Variants in RABEP1 observed in about 807,000 individuals in gnomAD.
The protein encoded by RABEP1 is rab GTPase-binding effector protein 1.
Under a neutral mutation model 123.4 loss-of-function variants are expected in RABEP1, and 51 were observed. The observed-to-expected ratio is 0.41, with a 90% CI of 0.33 to 0.52. RABEP1 has a LOEUF of 0.52. Ranked by LOEUF, RABEP1 falls within the 20% of genes least tolerant of loss-of-function variation. The pLI is 0.16. For synonymous variants in RABEP1, 347 were observed against 355.2 expected, an observed-to-expected ratio of 0.98 and a Z score of 0.26; for missense variants, 888 against 996.3, an observed-to-expected ratio of 0.89 and a Z score of 1.46.
At chr17:5,282,695 C>T (rs1416139190) in intron 1 of RABEP1, among the ~76,000 whole-genome samples, 175 bp downstream of exon 1, 4 of 145,424 alleles carry the variant, frequency 2.8e-5, no homozygotes, top group African/African-American at 4.9e-5. Context: ...GCGGGCGCCC[C>T]GGCTGCCGTC....
chr17:5,332,242 C>T, intron 3 of RABEP1, 90 bp downstream of exon 3: 1 of 1,255,902 alleles, frequency 8.0e-7, no homozygotes, highest in Non-Finnish European at 1.1e-6. Flanking sequence ...AAAATATATA[C>T]AGAGTTTCAT....
chr17:5,295,148 G>A (rs1022628544), intron 1 of RABEP1, among the ~76,000 whole-genome samples: 11 of 151,658 alleles, frequency 7.3e-5, no homozygotes, highest in East Asian at 1.9e-4. Flanking sequence ...TTGGGAGACC[G>A]AGTCGGGCAA....
In RABEP1 at chr17:5,385,545, T is replaced by C. The variant is rs1236725141; in HGVS notation, c.*2322T>C. On this transcript the variant is annotated 3_prime_UTR_variant, in exon 18 of 18. Coordinates refer to ENST00000537505, the MANE Select transcript of RABEP1 (RefSeq NM_004703.6). ...GTGAAGTGAGGACAAAATCACATTC[T>C]GCATACTAACCTATTTTTTTCTCCC... The C allele has an allele frequency of 4.3e-6, 1 of 230,932 alleles. No individual in the cohort carries two copies. The allele number at this position is 230,932 out of a possible 1,614,324, so 14.3% of individuals were successfully genotyped here.
At chr17:5,377,095 T>G in intron 13 of RABEP1, 21 bp from the exon 14 acceptor site, 1 of 1,575,552 alleles carries the variant, frequency 6.3e-7, no homozygotes, top group Non-Finnish European at 8.6e-7. Context: ...AACCCAATAA[T>G]CATTTGTTTC....
intron 1 of RABEP1, among the ~76,000 whole-genome samples, chr17:5,299,711 TTTC>T (rs1159513829): frequency 1.5e-5 from 2 of 129,262 alleles, no homozygotes; most frequent in African/African-American, 5.4e-5. Flanking sequence ...TTTTTCTTTT[TTTC>T]TTTTCTTTTT....
chr17:5,308,046 A>C (rs2075196735), intron 1 of RABEP1, among the ~76,000 whole-genome samples: 1 of 152,190 alleles, frequency 6.6e-6, no homozygotes, highest in Non-Finnish European at 1.5e-5. Flanking sequence ...CATTTGTGGG[A>C]TAAGTAGTTC....
chr17:5,382,742 A>T (rs2144742423), intron 17 of RABEP1, among the ~76,000 whole-genome samples: 1 of 152,004 alleles, frequency 6.6e-6, no homozygotes, highest in Non-Finnish European at 1.5e-5. Flanking sequence ...ACGGAGCAAT[A>T]CTCCATCTGG....
chr17:5,351,274 AATAAT>A (rs1908527571), intron 7 of RABEP1, among the ~76,000 whole-genome samples: 1 of 152,052 alleles, frequency 6.6e-6, no homozygotes, highest in South Asian at 2.1e-4. Flanking sequence ...AAATTGCATG[AATAAT>A]ATATATATTT....
intron 1 of RABEP1, among the ~76,000 whole-genome samples, chr17:5,292,397 C>CT (rs370596779): frequency 7.3e-5 from 11 of 150,604 alleles, no homozygotes; most frequent in African/African-American, 1.7e-4. Flanking sequence ...AGTTTATTTA[C>CT]TTTTTTTTTG....
At chr17:5,344,501 A>G (rs572136973) in intron 5 of RABEP1, among the ~76,000 whole-genome samples, 1 of 152,056 alleles carries the variant, frequency 6.6e-6, no homozygotes, top group Non-Finnish European at 1.5e-5. Context: ...GGCCGAGCGC[A>G]GTGGCTCGTG....
At chr17:5,295,152 C>T (rs768640349) in intron 1 of RABEP1, among the ~76,000 whole-genome samples, 5 of 151,504 alleles carry the variant, frequency 3.3e-5, no homozygotes, top group South Asian at 2.1e-4. Context: ...GAGACCGAGT[C>T]GGGCAAATCA....
chr17:5,386,249 A>T lies in RABEP1; in HGVS notation c.*3026A>T, dbSNP rs780562018. The T allele has an allele frequency of 1.9e-6, 3 of 1,612,736 alleles. No homozygotes were observed. The African/African-American group carries it at 4.0e-5, about 22-fold the overall frequency. On this transcript the variant is annotated 3_prime_UTR_variant, in exon 18 of 18. Coordinates refer to ENST00000537505, the MANE Select transcript of RABEP1 (RefSeq NM_004703.6). ...GCGGATATCATTGATTTGCTTCACCATTTCCCTTATATGTTCACCCCTGTA... is the reference window on the plus strand; with the variant it reads ...GCGGATATCATTGATTTGCTTCACCTTTTCCCTTATATGTTCACCCCTGTA...
chr17:5,306,973 G>A (rs2075184886), intron 1 of RABEP1, among the ~76,000 whole-genome samples: 1 of 152,162 alleles, frequency 6.6e-6, no homozygotes, highest in African/African-American at 2.4e-5. Flanking sequence ...ATCTGTGTTG[G>A]TTTTAGTTCA....
intron 1 of RABEP1, among the ~76,000 whole-genome samples, chr17:5,306,134 C>T (rs1399666355): frequency 6.6e-6 from 1 of 152,154 alleles, no homozygotes; most frequent in African/African-American, 2.4e-5. Flanking sequence ...ACCTAAGTTA[C>T]GGAACATCAT....
chr17:5,344,892 GGT>G (rs953953105), intron 5 of RABEP1, among the ~76,000 whole-genome samples: 5 of 151,992 alleles, frequency 3.3e-5, no homozygotes, highest in African/African-American at 1.2e-4. Context: ...AGGAGCCAGA[GGT>G]TGACGTTGCA....
chr17:5,295,928 C>T (rs184141757), intron 1 of RABEP1, among the ~76,000 whole-genome samples: 18 of 152,260 alleles, frequency 1.2e-4, no homozygotes, highest in East Asian at 3.9e-4. Context: ...TTCTTAGTTA[C>T]ATTTGTTGGG....
At chr17:5,301,589 G>A (rs1231899012) in intron 1 of RABEP1, among the ~76,000 whole-genome samples, 1 of 152,132 alleles carries the variant, frequency 6.6e-6, no homozygotes, top group African/African-American at 2.4e-5. Context: ...AAAAATGTCA[G>A]TAGAACTAAG....
intron 4 of RABEP1, 80 bp downstream of exon 4, chr17:5,335,424 A>G: frequency 8.3e-7 from 1 of 1,208,494 alleles, no homozygotes; most frequent in South Asian, 1.4e-5. Flanking sequence ...AATAGAAAGT[A>G]ATAGAAGTAC....
intron 12 of RABEP1, among the ~76,000 whole-genome samples, chr17:5,372,392 A>G (rs923691197): frequency 4.0e-5 from 6 of 151,884 alleles, no homozygotes; most frequent in Admixed American, 1.3e-4. Flanking sequence ...TGGAGGTTGC[A>G]GTGAGCCGAG....
Sources: gnomAD v4.1 joint callset for allele counts (sites outside exome capture counted in the v4.1 genomes callset) on GRCh38, gnomAD v4.1.1 for gene constraint, MANE v1.5 for transcripts, NCBI Gene and HGNC (gene_info 2026-07-23, HGNC 2026-07-21) for gene names.